Variants in ADGRB1 observed in about 807,000 individuals in gnomAD.
ADGRB1 encodes the protein brain-specific angiogenesis inhibitor 1.
Under a neutral mutation model 175.7 loss-of-function variants are expected in ADGRB1, and 36 were observed. The ratio of observed to expected loss-of-function variants is 0.20; its 90% CI spans 0.16 to 0.27. The LOEUF (loss-of-function observed/expected upper bound fraction) is 0.27, where lower values mean the gene tolerates loss of function less well. Among genes scored for constraint, ADGRB1 ranks in the 10% least tolerant of loss-of-function variants. ADGRB1 has a pLI of 1.00. For missense variants in ADGRB1, 1,731 were observed against 2,255.3 expected, an observed-to-expected ratio of 0.77 and a Z score of 4.71; for synonymous variants, 1,054 against 979.4, an observed-to-expected ratio of 1.08 and a Z score of -1.42.
chr8:142,453,435 C>G (rs1044097365), intron 1 of ADGRB1, among the ~76,000 whole-genome samples: 3 of 152,296 alleles, frequency 2.0e-5, no homozygotes, highest in Admixed American at 6.5e-5. Flanking sequence ...GCAAAGACCC[C>G]GAACCAGGAG....
intron 2 of ADGRB1, among the ~76,000 whole-genome samples, chr8:142,466,311 G>A (rs915776565): frequency 6.6e-6 from 1 of 152,214 alleles, no homozygotes; most frequent in Non-Finnish European, 1.5e-5. Context: ...TGTGTTTAAA[G>A]GCACAAAATA....
chr8:142,533,325 G>A lies in ADGRB1; in HGVS notation c.3429G>A (p.Leu1143=). 1.3e-6 allele frequency: 2 copies of A among 1,571,564 alleles called. No homozygotes were observed. Among genetic ancestry groups the A allele is most frequent in the Non-Finnish European group, 8.6e-7 (1 of 1,162,214 alleles). ...CCCTGTGGAGCTCCTGCGTGGTGCT[G>A]CCGCTGCTGGCGCTGACCTGGATGT... ...GASLWSSCVV[L]PLLALTWMSA... is the part of the protein sequence containing the mutation. The change falls in exon 25 of 31, where the codon CTG becomes CTA. Residue 1143 remains leucine (L), a synonymous_variant. Coordinates refer to ENST00000517894, the MANE Select transcript of ADGRB1 (RefSeq NM_001702.3).
In ADGRB1 at chr8:142,484,024, C is replaced by G; in HGVS notation, c.2178C>G (p.Asp726Glu). 1 of 1,612,906 alleles carries G rather than the reference C, an allele frequency of 6.2e-7. No individual in the cohort carries two copies. The highest frequency in any genetic ancestry group is 1.1e-5 in the South Asian group (1 of 90,876). ...ACCTGTTGGCAGAGGAGAATCGGGA[C>G]AAGTGGGAGGAGGCCCAGCTGGTAG... The part of the protein sequence containing the change: ...LSNLLAEENR[D>E]KWEEAQLAGP... Residue 726 changes from aspartate (D) to glutamate (E), a missense_variant, in exon 12 of 31, where the codon GAC (aspartate) becomes GAG (glutamate). This residue lies in a region of ADGRB1 where 388 missense variants were observed against 630.9 expected (regional missense o/e 0.61). Coordinates refer to ENST00000517894, the MANE Select transcript of ADGRB1 (RefSeq NM_001702.3).
At chr8:142,477,681 C>T in intron 6 of ADGRB1, 132 bp downstream of exon 6, 1 of 1,253,590 alleles carries the variant, frequency 8.0e-7, no homozygotes, top group East Asian at 2.6e-5. Flanking sequence ...AGGTTGGAAC[C>T]TCAGACTGGG....
rs139171909 is a variant in ADGRB1 at position 142,464,954 on chromosome 8, C to T, written c.756C>T (p.Thr252=). The T allele has an allele frequency of 1.3e-6, 2 of 1,525,714 alleles. No homozygotes were observed. The highest frequency in any genetic ancestry group is 1.8e-6 in the Non-Finnish European group (2 of 1,141,800). 94.5% of individuals were successfully genotyped at this position (1,525,714 alleles called of 1,614,324 possible). ...GGPENCLTSL[T]QDRGGHGATG... ...CTGAAAACTGCCTCACCAGCCTGAC[C>T]CAGGACCGGGGCGGGCACGGCGCCA... The change falls in exon 2 of 31, where the codon ACC becomes ACT. Residue 252 remains threonine, a synonymous_variant. Transcript: ENST00000517894.
intron 19 of ADGRB1, among the ~76,000 whole-genome samples, chr8:142,519,483 G>A (rs538694471): frequency 6.6e-6 from 1 of 152,288 alleles, no homozygotes; most frequent in East Asian, 1.9e-4. Flanking sequence ...GGTGGTGATG[G>A]TGGTCCTGGT....
chr8:142,472,183 G>A (rs556623775), intron 2 of ADGRB1, among the ~76,000 whole-genome samples: 30 of 152,236 alleles, frequency 2.0e-4, no homozygotes, highest in Admixed American at 1.4e-3. Flanking sequence ...GTGCTCCCCC[G>A]CACCCCCATC....
At chr8:142,528,158 C>G (rs376096953) in intron 24 of ADGRB1, among the ~76,000 whole-genome samples, 57 of 152,374 alleles carry the variant, frequency 3.7e-4, no homozygotes, top group African/African-American at 1.3e-3. Context: ...CGTGGGCATA[C>G]ACATGCCACG....
At chr8:142,533,514 G>C (rs1004576926) in intron 25 of ADGRB1, 48 bp downstream of exon 25, 9 of 1,532,944 alleles carry the variant, frequency 5.9e-6, no homozygotes, top group Non-Finnish European at 7.9e-6. Context: ...GGGTCCTGGG[G>C]CTGCCGAGTG....
At chr8:142,463,646 G>A (rs968741352) in intron 1 of ADGRB1, among the ~76,000 whole-genome samples, 2 of 152,260 alleles carry the variant, frequency 1.3e-5, no homozygotes, top group African/African-American at 4.8e-5. Flanking sequence ...CAGGGCCCCC[G>A]GGAGCCACGC....
intron 2 of ADGRB1, among the ~76,000 whole-genome samples, chr8:142,470,911 G>A (rs577059288): frequency 1.5e-4 from 23 of 152,298 alleles, no homozygotes; most frequent in African/African-American, 3.1e-4. Flanking sequence ...CAGGAGCCCC[G>A]GAAGTCCTGG....
chr8:142,507,172 C>G (rs1275913028), intron 17 of ADGRB1, among the ~76,000 whole-genome samples: 3 of 152,198 alleles, frequency 2.0e-5, no homozygotes, highest in African/African-American at 7.2e-5. Context: ...CCAGAAAGCC[C>G]TTAGCACAGA....
chr8:142,450,127 G>A (rs1480185810), intron 1 of ADGRB1, 23 bp downstream of exon 1: 4 of 148,174 alleles, frequency 2.7e-5, no homozygotes, highest in Non-Finnish European at 6.0e-5. Context: ...CCGGCGGGGG[G>A]CTGGGGGCGC....
chr8:142,511,765 C>T lies in ADGRB1; in HGVS notation c.2817+692C>T, dbSNP rs1843118689. On this transcript the variant is annotated intron_variant, in intron 18 of 30. Coordinates refer to ENST00000517894, the MANE Select transcript of ADGRB1 (RefSeq NM_001702.3). This position sits in a 1 kb window ranked among gnomAD's most constrained non-coding sequence, Gnocchi z 4.5. ...CTTGCTTTGGGCCGGCCAAGCTGCA[C>T]CCCCTGGCCTGAGGTGGGCCACAGC... is the stretch of plus-strand genomic sequence containing the variant. Among the ~76,000 whole-genome samples the T allele has an allele frequency of 6.6e-6, 1 of 152,310 alleles. No homozygotes were observed. The highest frequency in any genetic ancestry group is 2.4e-5 in the African/African-American group (1 of 41,560).
At chr8:142,535,091 C>G (rs1844849101) in intron 25 of ADGRB1, among the ~76,000 whole-genome samples, 1 of 152,174 alleles carries the variant, frequency 6.6e-6, no homozygotes, top group Admixed American at 6.5e-5. Context: ...GAGAGCAGCT[C>G]AAAGCTCAGT....
intron 17 of ADGRB1, among the ~76,000 whole-genome samples, chr8:142,499,410 G>T (rs374858261): frequency 1.3e-5 from 2 of 152,352 alleles, no homozygotes; most frequent in East Asian, 1.9e-4. Context: ...GCAGGCAGCC[G>T]CTCAAAAGAG....
rs550930776 is a variant in ADGRB1 at position 142,517,242 on chromosome 8, G to T, written c.2818-896G>T. 2.0e-5 allele frequency among the ~76,000 whole-genome samples: 3 copies of T among 152,284 alleles called. No homozygotes were observed. The South Asian group carries it at 6.2e-4, about 32-fold the overall frequency. The stretch of plus-strand genomic sequence containing the variant: ...GGTGGGACATTTGGACAACGCCCAG[G>T]GCAGGAGAGTCAGGGAGGAGTGGTG... On this transcript the variant is annotated intron_variant, in intron 18 of 30. Coordinates refer to ENST00000517894, the MANE Select transcript of ADGRB1 (RefSeq NM_001702.3).
At chr8:142,517,593 G>A (rs558135729) in intron 18 of ADGRB1, among the ~76,000 whole-genome samples, 32 of 152,240 alleles carry the variant, frequency 2.1e-4, no homozygotes, top group African/African-American at 7.2e-4. Context: ...GGGGTGGGAG[G>A]GGGAGGGCTT....
rs753020748 is a variant in ADGRB1 at position 142,542,049 on chromosome 8, C to T, written c.3815C>T (p.Pro1272Leu). Residue 1272 changes from proline to leucine, a missense_variant, in exon 28 of 31, where the codon CCG (proline) becomes CTG (leucine). Transcript: ENST00000517894. This position sits in a 1 kb window ranked among gnomAD's most constrained non-coding sequence, Gnocchi z 6.3. The part of the protein sequence containing the change: ...EKLKLAHAKG[P>L]PTNFNSLPAN... ...CTGAAGCTGGCCCATGCCAAGGGGC[C>T]GCCCACCAATTTCAACAGCCTGCCG... is the stretch of plus-strand genomic sequence containing the variant. The T allele has an allele frequency of 2.7e-5, 43 of 1,611,952 alleles. No individual in the cohort carries two copies. The highest frequency in any genetic ancestry group is 1.1e-4 in the African/African-American group (8 of 74,914).
Sources: gnomAD v4.1 joint callset for allele counts (sites outside exome capture counted in the v4.1 genomes callset) on GRCh38, gnomAD v4.1.1 for gene constraint, gnomAD v4.1.1 regional missense constraint, Gnocchi (gnomAD v3.1) non-coding constraint, MANE v1.5 for transcripts, NCBI Gene and HGNC (gene_info 2026-07-23, HGNC 2026-07-21) for gene names.